Variants in STYK1 observed in about 807,000 individuals in gnomAD.
STYK1 encodes the protein STY kinase 1, also known as tyrosine-protein kinase STYK1.
STYK1 carries 46 observed loss-of-function variants against 48.1 expected under a neutral mutation model. The ratio of observed to expected loss-of-function variants is 0.96; its 90% CI spans 0.75 to 1.22. STYK1 has a LOEUF of 1.22. Ranked by LOEUF, STYK1 falls within the 50% of genes most tolerant of loss-of-function variation. The pLI is 0.00. For missense variants in STYK1, 527 were observed against 521.1 expected, an observed-to-expected ratio of 1.01 and a Z score of -0.11; for synonymous variants, 188 against 189.0, an observed-to-expected ratio of 0.99 and a Z score of 0.04.
chr12:10,621,048 T>C (rs1865899217), intron 10 of STYK1, among the ~76,000 whole-genome samples: 1 of 152,232 alleles, frequency 6.6e-6, no homozygotes, highest in South Asian at 2.1e-4. Flanking sequence ...TTAATCTGCT[T>C]GATGCAGTAA....
At chr12:10,650,548 C>CA (rs1274010656) in intron 1 of STYK1, among the ~76,000 whole-genome samples, 1 of 152,192 alleles carries the variant, frequency 6.6e-6, no homozygotes, top group Admixed American at 6.5e-5. Flanking sequence ...ACTACTGCCC[C>CA]ACCCCAGTGG....
In STYK1 at chr12:10,619,057, A is replaced by G. The variant is rs1290587659; in HGVS notation, c.*1087T>C. ...TAGGTATTATCCCCATTTACACATA[A>G]AGAATCCCTTTTCTGACATTGTACA... On this transcript the variant is annotated 3_prime_UTR_variant, in exon 11 of 11. Coordinates refer to ENST00000075503, the MANE Select transcript of STYK1 (RefSeq NM_018423.3). 2 of 152,236 alleles carry G rather than the reference A, an allele frequency of 1.3e-5. No homozygotes were observed. Among genetic ancestry groups the G allele is most frequent in the African/African-American group, 4.8e-5 (2 of 41,466 alleles). 9.4% of individuals were successfully genotyped at this position (152,236 alleles called of 1,614,324 possible).
intron 1 of STYK1, among the ~76,000 whole-genome samples, chr12:10,652,252 C>G (rs1947670134): frequency 6.6e-6 from 1 of 152,164 alleles, no homozygotes; most frequent in South Asian, 2.1e-4. Context: ...CTAGTTCTCT[C>G]TCTCTCTCAC....
At chr12:10,647,210 C>A (rs918137280) in intron 1 of STYK1, among the ~76,000 whole-genome samples, 1 of 152,240 alleles carries the variant, frequency 6.6e-6, no homozygotes, top group Non-Finnish European at 1.5e-5. Context: ...GCTGCAGACA[C>A]TCAACACCAG....
At chr12:10,648,441 T>C (rs1417332310) in intron 1 of STYK1, among the ~76,000 whole-genome samples, 2 of 151,798 alleles carry the variant, frequency 1.3e-5, no homozygotes, top group Non-Finnish European at 2.9e-5. Flanking sequence ...AATAAATAAA[T>C]AGTCAAAAAC....
intron 1 of STYK1, among the ~76,000 whole-genome samples, chr12:10,656,128 T>A (rs1947715208): frequency 6.6e-6 from 1 of 152,164 alleles, no homozygotes; most frequent in East Asian, 1.9e-4. Context: ...TCGTGAGACC[T>A]GATAGTTTTA....
At chr12:10,661,831 C>T (rs1004004697) in intron 1 of STYK1, among the ~76,000 whole-genome samples, 6 of 127,340 alleles carry the variant, frequency 4.7e-5, no homozygotes, top group African/African-American at 1.4e-4. Context: ...ATTAGAATTA[C>T]CTTTAATATT....
intron 5 of STYK1, 37 bp downstream of exon 5, chr12:10,631,008 G>T (rs762660938): frequency 4.4e-6 from 7 of 1,606,786 alleles, no homozygotes; most frequent in African/African-American, 4.0e-5. Flanking sequence ...AATATTTACT[G>T]TTAGGGGAAG....
chr12:10,635,452 T>C (rs1451802399), intron 2 of STYK1, among the ~76,000 whole-genome samples: 1 of 152,190 alleles, frequency 6.6e-6, no homozygotes, highest in Non-Finnish European at 1.5e-5. Flanking sequence ...AACTATTTAA[T>C]TCCTCATCCC....
At chr12:10,642,471 G>A (rs1177007286) in intron 1 of STYK1, among the ~76,000 whole-genome samples, 6 of 152,132 alleles carry the variant, frequency 3.9e-5, no homozygotes, top group Admixed American at 2.0e-4. Flanking sequence ...GAGCCATTGC[G>A]ATCATCAATA....
At chr12:10,663,704 C>T (rs137877177) in intron 1 of STYK1, among the ~76,000 whole-genome samples, 5 of 142,954 alleles carry the variant, frequency 3.5e-5, no homozygotes, top group Admixed American at 7.2e-5. Flanking sequence ...GACTCCCTTG[C>T]GTTCTCATAA....
chr12:10,640,855 A>G (rs1013213294), intron 1 of STYK1: 1 of 152,244 alleles, frequency 6.6e-6, no homozygotes, highest in African/African-American at 2.4e-5. Context: ...ACATCTAGGT[A>G]AGAAATGCAG....
intron 8 of STYK1, among the ~76,000 whole-genome samples, chr12:10,623,909 C>T (rs1488678838): frequency 6.6e-6 from 1 of 152,016 alleles, no homozygotes; most frequent in Non-Finnish European, 1.5e-5. Flanking sequence ...CTTGCCCCTC[C>T]TTGAAAAAAA....
chr12:10,663,585 C>G (rs796640161), intron 1 of STYK1, among the ~76,000 whole-genome samples: 17 of 102,126 alleles, frequency 1.7e-4, no homozygotes, highest in African/African-American at 6.0e-4. Flanking sequence ...GGCGACAGAA[C>G]GAGACTCTGT....
At chr12:10,661,754 T>C (rs916414756) in intron 1 of STYK1, among the ~76,000 whole-genome samples, 3 of 152,208 alleles carry the variant, frequency 2.0e-5, no homozygotes, top group African/African-American at 7.2e-5. Flanking sequence ...CCCAGATCAT[T>C]TGGCTTAAAA....
At chr12:10,644,236 A>G (rs1432495878) in intron 1 of STYK1, among the ~76,000 whole-genome samples, 1 of 152,236 alleles carries the variant, frequency 6.6e-6, no homozygotes, top group African/African-American at 2.4e-5. Context: ...ATGGTGACAG[A>G]CAATTCTGTA....
Position 10,627,730 on chromosome 12 carries a change from G to A in STYK1, c.634-6C>T, listed in dbSNP as rs764604273. ...CCATCCATAGTCATCACATCCTAAA[G>A]AGACAGGGAAAAAAAGCCATTATAT... On this transcript the variant is annotated splice_region_variant and splice_polypyrimidine_tract_variant and intron_variant, in intron 6 of 10. Coordinates refer to ENST00000075503, the MANE Select transcript of STYK1 (RefSeq NM_018423.3). The A allele has an allele frequency of 3.7e-6, 6 of 1,600,916 alleles. No homozygotes were observed. Among genetic ancestry groups the A allele is most frequent in the Admixed American group, 3.6e-5 (2 of 56,258 alleles).
At chr12:10,634,253 A>C in intron 3 of STYK1, 129 bp from the exon 4 acceptor site, 1 of 1,097,102 alleles carries the variant, frequency 9.1e-7, no homozygotes, top group Non-Finnish European at 1.3e-6. Flanking sequence ...CATCTCCTCT[A>C]CTTCCATTCA....
At chr12:10,657,339 T>C (rs1947730175) in intron 1 of STYK1, among the ~76,000 whole-genome samples, 1 of 152,184 alleles carries the variant, frequency 6.6e-6, no homozygotes, top group South Asian at 2.1e-4. Flanking sequence ...GGATCTTCTG[T>C]CTGTTGTGTA....
Sources: gnomAD v4.1 joint callset for allele counts (sites outside exome capture counted in the v4.1 genomes callset) on GRCh38, gnomAD v4.1.1 for gene constraint, MANE v1.5 for transcripts, NCBI Gene and HGNC (gene_info 2026-07-23, HGNC 2026-07-21) for gene names.